MYO1D: variants seen among roughly 807,000 people sequenced by gnomAD.
MYO1D encodes myosin ID.
In MYO1D, 83 loss-of-function variants were observed where a neutral mutation model predicts 122.0. The ratio of observed to expected loss-of-function variants is 0.68; its 90% CI spans 0.57 to 0.82. MYO1D has a LOEUF of 0.82. Among genes scored for constraint, MYO1D ranks in the 40% least tolerant of loss-of-function variants. The probability of loss-of-function intolerance (pLI) is 0.00; values close to 1 mark genes in which losing one functional copy is unlikely to be tolerated. For synonymous variants in MYO1D, 464 were observed against 446.9 expected (o/e 1.04, Z -0.48); for missense variants, 1,157 against 1,269.5 (o/e 0.91, Z 1.35).
chr17:32,494,616 GA>G lies in MYO1D; in HGVS notation c.*142del, dbSNP rs1909018003. Reference sequence around the variant, plus strand: ...GATGATACCAAAGGCAGAAAACCAGGAAGGAAATCTTACAGGGGCGGGGCTC... The same window carrying G: ...GATGATACCAAAGGCAGAAAACCAGGAGGAAATCTTACAGGGGCGGGGCTC... On this transcript the variant is annotated 3_prime_UTR_variant, in exon 22 of 22. Coordinates refer to ENST00000318217, the MANE Select transcript of MYO1D (RefSeq NM_015194.3). 6.0e-6 allele frequency: 6 copies of G among 998,692 alleles called. No individual in the cohort carries two copies. Among genetic ancestry groups the G allele is most frequent in the Non-Finnish European group, 8.6e-6 (6 of 700,718 alleles). 61.9% of individuals were successfully genotyped at this position (998,692 alleles called of 1,614,324 possible). A position where few individuals can be genotyped will look rare whatever the true frequency, so the allele number is the denominator to read the frequency against.
Position 32,661,851 on chromosome 17 carries a change from CATATG to C in MYO1D, c.2122-2518_2122-2514del, listed in dbSNP as rs545914841. On this transcript the variant is annotated intron_variant, in intron 16 of 21. Coordinates refer to ENST00000318217, the MANE Select transcript of MYO1D (RefSeq NM_015194.3). ...ACTCTATTATATATTGAATAATTTA[CATATG>C]ATATGTATATGTTATATTGCATTGT... Among the ~76,000 whole-genome samples the C allele has an allele frequency of 7.9e-5, 12 of 152,078 alleles. No homozygotes were observed. In the South Asian group the frequency reaches 2.1e-3, roughly 26 times the overall value.
intron 1 of MYO1D, among the ~76,000 whole-genome samples, chr17:32,852,720 CTT>C (rs1246499185): frequency 3.9e-5 from 6 of 151,916 alleles, no homozygotes; most frequent in Admixed American, 3.9e-4. Flanking sequence ...ATCTTATTGT[CTT>C]TATATATTTC....
chr17:32,635,705 G>A (rs570146436), intron 20 of MYO1D, among the ~76,000 whole-genome samples: 11 of 152,084 alleles, frequency 7.2e-5, no homozygotes, highest in Non-Finnish European at 1.0e-4. Flanking sequence ...GTGGCGGGGG[G>A]GTGGAAAGAA....
chr17:32,617,902 C>T (rs989617602), intron 20 of MYO1D, among the ~76,000 whole-genome samples: 1 of 152,164 alleles, frequency 6.6e-6, no homozygotes, highest in Non-Finnish European at 1.5e-5. Flanking sequence ...ATTATTTTAA[C>T]ACATCAGATA....
intron 7 of MYO1D, among the ~76,000 whole-genome samples, chr17:32,765,632 G>A (rs138623338): frequency 0.015 from 2,219 of 151,954 alleles, 44 homozygotes; most frequent in African/African-American, 0.048. Flanking sequence ...CTAATTTTTT[G>A]TATTTTTAGT....
At chr17:32,708,339 T>C (rs2089334422) in intron 16 of MYO1D, among the ~76,000 whole-genome samples, 1 of 152,210 alleles carries the variant, frequency 6.6e-6, no homozygotes, top group Non-Finnish European at 1.5e-5. Flanking sequence ...TACTTCTGGA[T>C]GGTGGGGTTT....
intron 20 of MYO1D, among the ~76,000 whole-genome samples, chr17:32,627,048 T>A (rs2087937830): frequency 6.6e-6 from 1 of 152,206 alleles, no homozygotes; most frequent in Non-Finnish European, 1.5e-5. Context: ...CTAATTTTGC[T>A]AAGTGGCTCT....
chr17:32,779,592 TG>T (rs1361219582), intron 2 of MYO1D, among the ~76,000 whole-genome samples: 1 of 152,012 alleles, frequency 6.6e-6, no homozygotes, highest in Non-Finnish European at 1.5e-5. Flanking sequence ...CTGTTACTGC[TG>T]GAATTTTGGG....
At chr17:32,571,249 A>AAACG (rs751977155) in intron 21 of MYO1D, among the ~76,000 whole-genome samples, 2 of 152,156 alleles carry the variant, frequency 1.3e-5, no homozygotes, top group African/African-American at 4.8e-5. Flanking sequence ...GGAAGCAGGC[A>AAACG]AACGAACGGG....
chr17:32,813,692 G>C (rs1319896649), intron 1 of MYO1D, among the ~76,000 whole-genome samples: 2 of 152,182 alleles, frequency 1.3e-5, no homozygotes, highest in African/African-American at 2.4e-5. Context: ...TGCTGATGAT[G>C]CAAGGGCCTT....
At chr17:32,543,798 T>TG in intron 21 of MYO1D, among the ~76,000 whole-genome samples, 1 of 151,882 alleles carries the variant, frequency 6.6e-6, no homozygotes, top group South Asian at 2.1e-4. Context: ...ACTTAAATCT[T>TG]GCTTTTTTTT....
chr17:32,533,089 C>T (rs1910562237), intron 21 of MYO1D, among the ~76,000 whole-genome samples: 1 of 152,144 alleles, frequency 6.6e-6, no homozygotes, highest in African/African-American at 2.4e-5. Flanking sequence ...GTCTCCTCTA[C>T]CCTCTTCTTC....
intron 21 of MYO1D, among the ~76,000 whole-genome samples, chr17:32,580,645 G>T (rs1194315072): frequency 6.6e-6 from 1 of 151,892 alleles, no homozygotes; most frequent in South Asian, 2.1e-4. Flanking sequence ...TCCTGACCTC[G>T]TGATCTGCCT....
chr17:32,562,100 C>G (rs1230701739), intron 21 of MYO1D, among the ~76,000 whole-genome samples: 1 of 151,906 alleles, frequency 6.6e-6, no homozygotes, highest in Non-Finnish European at 1.5e-5. Flanking sequence ...AAGCCACTCT[C>G]CCACCTCAGC....
chr17:32,643,040 TATG>T (rs1455242067), intron 19 of MYO1D, among the ~76,000 whole-genome samples: 2 of 152,340 alleles, frequency 1.3e-5, no homozygotes, highest in Admixed American at 6.5e-5. Context: ...GCCCATTCAG[TATG>T]ATATTGGCTG....
intron 21 of MYO1D, among the ~76,000 whole-genome samples, chr17:32,506,435 A>G (rs1323116277): frequency 6.6e-6 from 1 of 152,142 alleles, no homozygotes; most frequent in Non-Finnish European, 1.5e-5. Flanking sequence ...AGGCAAGCAC[A>G]GTGCAAAAAA....
At chr17:32,758,799 A>G (rs1034883547) in intron 10 of MYO1D, among the ~76,000 whole-genome samples, 4 of 152,192 alleles carry the variant, frequency 2.6e-5, no homozygotes, top group Middle Eastern at 6.3e-3. Context: ...TCTGCCATGT[A>G]GTAAGTAACT....
Position 32,682,595 on chromosome 17 carries a change from CT to C in MYO1D, c.2122-23258del, listed in dbSNP as rs2088937176. Among the ~76,000 whole-genome samples the C allele has an allele frequency of 5.4e-5, 8 of 148,630 alleles. No individual in the cohort carries two copies. In the South Asian group the frequency reaches 1.7e-3, roughly 32 times the overall value. ...AATATTGGCCCCCACTCTCTTCTGG[CT>C]TGTAGGGTTTCTGCCGAGAGATCAG... On this transcript the variant is annotated intron_variant, in intron 16 of 21. Transcript: ENST00000318217.
intron 21 of MYO1D, among the ~76,000 whole-genome samples, chr17:32,522,697 G>C (rs1256778853): frequency 6.6e-6 from 1 of 152,150 alleles, no homozygotes; most frequent in Non-Finnish European, 1.5e-5. Context: ...AACGAGTGGG[G>C]TAGAGGAGTC....
Sources: allele counts gnomAD v4.1 joint callset (sites outside exome capture counted in the v4.1 genomes callset), GRCh38; gene constraint gnomAD v4.1.1; transcripts MANE v1.5; gene names NCBI Gene and HGNC (gene_info 2026-07-23, HGNC 2026-07-21).